The following PRKAG2 variants were observed in gnomAD, a reference collection of about 807,000 sequenced individuals.
PRKAG2 encodes protein kinase AMP-activated non-catalytic subunit gamma 2, also known as 5'-AMP-activated protein kinase subunit gamma-2.
In PRKAG2, 26 loss-of-function variants were observed where a neutral mutation model predicts 69.6. The observed-to-expected ratio is 0.37, with a 90% CI of 0.27 to 0.52. The LOEUF (loss-of-function observed/expected upper bound fraction) is 0.52. Among genes scored for constraint, PRKAG2 ranks in the 20% least tolerant of loss-of-function variants. PRKAG2 has a pLI of 0.90. For missense variants in PRKAG2, 557 were observed against 740.0 expected (o/e 0.75, Z 2.87); for synonymous variants, 293 against 285.0 (o/e 1.03, Z -0.28).
At chr7:151,843,124 A>G (rs2079350383) in intron 1 of PRKAG2, among the ~76,000 whole-genome samples, 5 of 149,418 alleles carry the variant, frequency 3.3e-5, no homozygotes, top group Admixed American at 3.3e-4. Context: ...ATTTCTGGGC[A>G]TGAATATATG....
rs199530489 is a variant in PRKAG2, at chr7:151,750,393, TTC to T, written c.466+30757_466+30758del. Among the ~76,000 whole-genome samples the T allele has an allele frequency of 3.5e-3, 536 of 152,344 alleles. 2 individuals are homozygous for T. Among genetic ancestry groups the T allele is most frequent in the African/African-American group, 0.012 (498 of 41,572 alleles). The stretch of plus-strand genomic sequence containing the variant: ...GACTGAGTAAGCAGAATGGAGTCTA[TTC>T]TACAATGGAATATTATTCAGGCATA... On this transcript the variant is annotated intron_variant, in intron 3 of 15. Coordinates refer to ENST00000287878, the MANE Select transcript of PRKAG2 (RefSeq NM_016203.4).
At chr7:151,693,650 G>GTTGAATTC (rs1273185583) in intron 3 of PRKAG2, among the ~76,000 whole-genome samples, 1 of 152,210 alleles carries the variant, frequency 6.6e-6, no homozygotes, top group Non-Finnish European at 1.5e-5. Context: ...AAGTCCTTAT[G>GTTGAATTC]TTGAATTCTA....
At chr7:151,742,456 T>G (rs1215584314) in intron 3 of PRKAG2, among the ~76,000 whole-genome samples, 6 of 152,142 alleles carry the variant, frequency 3.9e-5, no homozygotes, top group African/African-American at 1.4e-4. Context: ...AAACCCCGTC[T>G]CTACCAAAAA....
At position 151,839,012 on chromosome 7, in the gene PRKAG2, C is replaced by CAA. The variant is rs749220807; in HGVS notation, c.114+37493_114+37494dup. Among the ~76,000 whole-genome samples, 40 of 80,018 alleles carry CAA rather than the reference C, an allele frequency of 5.0e-4. 1 individual carries two copies. The highest frequency in any genetic ancestry group is 4.4e-3 in the South Asian group (11 of 2,512). The allele number at this position is 80,018 out of a possible 152,430, so 52.5% of individuals were successfully genotyped here. A position where few individuals can be genotyped will look rare whatever the true frequency, so the allele number is the denominator to read the frequency against. On this transcript the variant is annotated intron_variant, in intron 1 of 15. Coordinates refer to ENST00000287878, the MANE Select transcript of PRKAG2 (RefSeq NM_016203.4). ...GCTGGGCAACAGAGTGAGACTGTCTCAAAAAAAAAAAAAAAAAAATAGAAA... is the reference window on the plus strand; with the variant it reads ...GCTGGGCAACAGAGTGAGACTGTCTCAAAAAAAAAAAAAAAAAAAAATAGAAA...
At chr7:151,606,345 A>G (rs1283585429) in intron 5 of PRKAG2, among the ~76,000 whole-genome samples, 1 of 152,236 alleles carries the variant, frequency 6.6e-6, no homozygotes, top group Admixed American at 6.5e-5. Context: ...TACTTTTAGT[A>G]TAAACTTTAC....
intron 3 of PRKAG2, among the ~76,000 whole-genome samples, chr7:151,698,337 C>T (rs910698197): frequency 1.3e-5 from 2 of 152,202 alleles, no homozygotes; most frequent in African/African-American, 2.4e-5. Context: ...TGTCCCATCC[C>T]CCACCCCCTC....
chr7:151,655,532 T>C (rs1438936220), intron 4 of PRKAG2, among the ~76,000 whole-genome samples: 1 of 152,226 alleles, frequency 6.6e-6, no homozygotes, highest in African/African-American at 2.4e-5. Flanking sequence ...CTACCTGGGC[T>C]TAACCCTGGC....
intron 14 of PRKAG2, among the ~76,000 whole-genome samples, chr7:151,562,863 G>C (rs982131074): frequency 2.0e-5 from 3 of 151,396 alleles, no homozygotes; most frequent in African/African-American, 7.3e-5. Context: ...GCTGAGGCAG[G>C]AGAATCGCTT....
intron 4 of PRKAG2, among the ~76,000 whole-genome samples, chr7:151,648,840 G>T (rs938063737): frequency 3.9e-5 from 6 of 152,044 alleles, no homozygotes; most frequent in Non-Finnish European, 8.8e-5. Flanking sequence ...AACATAGTGA[G>T]ACCCCCGTCT....
At position 151,724,021 on chromosome 7, in the gene PRKAG2, G is replaced by A. The variant is rs1056279598; in HGVS notation, c.467-48384C>T. 5.9e-5 allele frequency among the ~76,000 whole-genome samples: 9 copies of A among 152,238 alleles called. 1 individual carries two copies. The South Asian group carries it at 1.3e-3, about 21-fold the overall frequency. On this transcript the variant is annotated intron_variant, in intron 3 of 15. Coordinates refer to ENST00000287878, the MANE Select transcript of PRKAG2 (RefSeq NM_016203.4). The stretch of plus-strand genomic sequence containing the variant: ...TACTTGTCATAAATCCTGCCCTTAC[G>A]GCAAATCAACCTTGATAAACTCCAC...
rs552543841 is a variant in PRKAG2 at position 151,737,500 on chromosome 7, C to T, written c.466+43652G>A. The stretch of plus-strand genomic sequence containing the variant: ...GATTAGTAGCCTGGGTTCTTCTGGC[C>T]GCCCACTAGGGTGGGATAACCTCCC... On this transcript the variant is annotated intron_variant, in intron 3 of 15. Coordinates refer to ENST00000287878, the MANE Select transcript of PRKAG2 (RefSeq NM_016203.4). 5.9e-5 allele frequency among the ~76,000 whole-genome samples: 9 copies of T among 152,278 alleles called. No homozygotes were observed. The East Asian group carries it at 1.4e-3, about 23-fold the overall frequency.
At chr7:151,773,181 GGA>G (rs2076167932) in intron 3 of PRKAG2, among the ~76,000 whole-genome samples, 1 of 135,020 alleles carries the variant, frequency 7.4e-6, no homozygotes, top group African/African-American at 2.8e-5. Context: ...AAGGAAGGAA[GGA>G]AGGAAAGAAA....
chr7:151,613,686 T>A (rs1373597279), intron 5 of PRKAG2, among the ~76,000 whole-genome samples: 1 of 148,808 alleles, frequency 6.7e-6, no homozygotes, highest in Non-Finnish European at 1.5e-5. Flanking sequence ...TTAGTAGTGA[T>A]GGGGTTTCGC....
intron 3 of PRKAG2, among the ~76,000 whole-genome samples, chr7:151,720,652 G>GGACA (rs1796908292): frequency 8.1e-6 from 1 of 124,128 alleles, no homozygotes; most frequent in African/African-American, 3.2e-5. Flanking sequence ...GGATGAAGGA[G>GGACA]GAGAGAATGG....
At chr7:151,662,865 T>G (rs1830523529) in intron 4 of PRKAG2, among the ~76,000 whole-genome samples, 1 of 152,168 alleles carries the variant, frequency 6.6e-6, no homozygotes, top group Non-Finnish European at 1.5e-5. Context: ...CACTCCAGCA[T>G]GAGTGACAGA....
At chr7:151,605,714 T>G (rs1395199597) in intron 5 of PRKAG2, among the ~76,000 whole-genome samples, 1 of 151,978 alleles carries the variant, frequency 6.6e-6, no homozygotes, top group South Asian at 2.1e-4. Context: ...CCGAGGTGGG[T>G]GGATCACAAG....
intron 9 of PRKAG2, among the ~76,000 whole-genome samples, chr7:151,570,509 A>G (rs1807288179): frequency 6.6e-6 from 1 of 152,242 alleles, no homozygotes. Context: ...GAAATCTGAT[A>G]AAAGAGCAAT....
At chr7:151,772,900 G>A (rs536737729) in intron 3 of PRKAG2, among the ~76,000 whole-genome samples, 61 of 151,618 alleles carry the variant, frequency 4.0e-4, no homozygotes, top group African/African-American at 1.4e-3. Context: ...CAGGAGGATC[G>A]CTTGAGCCTG....
chr7:151,643,983 G>A (rs1827167129), intron 4 of PRKAG2, among the ~76,000 whole-genome samples: 1 of 152,218 alleles, frequency 6.6e-6, no homozygotes, highest in Admixed American at 6.5e-5. Flanking sequence ...ATTCAGGAAT[G>A]GAAAACGAAA....
Sources: allele counts gnomAD v4.1 joint callset (sites outside exome capture counted in the v4.1 genomes callset), GRCh38; gene constraint gnomAD v4.1.1; transcripts MANE v1.5; gene names NCBI Gene and HGNC (gene_info 2026-07-23, HGNC 2026-07-21).